CNNM2: variants seen among roughly 807,000 people sequenced by gnomAD.
CNNM2 encodes the protein cyclin and CBS domain divalent metal cation transport mediator 2, also known as metal transporter CNNM2.
A neutral mutation model predicts 66.9 loss-of-function variants in CNNM2; 12 were observed. That is an observed-to-expected ratio of 0.18 (90% CI 0.11 to 0.29). CNNM2 has a LOEUF of 0.29. CNNM2 is among the 10% of genes least tolerant of loss of function. The pLI is 1.00. For missense variants in CNNM2, 705 were observed against 1,167.7 expected (o/e 0.60, Z 5.77); for synonymous variants, 557 against 501.8 (o/e 1.11, Z -1.47).
At chr10:103,051,241 G>A (rs1348888886) in intron 2 of CNNM2, among the ~76,000 whole-genome samples, 1 of 151,822 alleles carries the variant, frequency 6.6e-6, no homozygotes, top group Non-Finnish European at 1.5e-5. Context: ...GACCATCCTG[G>A]CCAACATGGT....
chr10:103,017,962 T>TAAAA (rs2064487247), intron 1 of CNNM2, among the ~76,000 whole-genome samples: 2 of 36,384 alleles, frequency 5.5e-5, no homozygotes, highest in Non-Finnish European at 6.4e-5. Flanking sequence ...AGAATCTGTC[T>TAAAA]CAAAAAAAAA....
chr10:102,973,238 C>A (rs1440912934), intron 1 of CNNM2, among the ~76,000 whole-genome samples: 1 of 151,106 alleles, frequency 6.6e-6, no homozygotes, highest in East Asian at 1.9e-4. Flanking sequence ...CCAGATTAAT[C>A]TTCCCAGACC....
chr10:102,973,518 G>GTGTGT (rs1445165466), intron 1 of CNNM2, among the ~76,000 whole-genome samples: 1 of 140,164 alleles, frequency 7.1e-6, no homozygotes, highest in African/African-American at 2.6e-5. Context: ...GTGTGTGTGT[G>GTGTGT]TTTTTTTTTT....
rs936766994 is a variant in CNNM2 at position 103,087,921 on chromosome 10, C to T, written c.*10741C>T. The T allele has an allele frequency of 1.3e-5, 2 of 152,194 alleles. No homozygotes were observed. Among genetic ancestry groups the T allele is most frequent in the Non-Finnish European group, 2.9e-5 (2 of 68,032 alleles). The allele number at this position is 152,194 out of a possible 1,614,324, so 9.4% of individuals were successfully genotyped here. ...CTTGACTAAGTTATCAGGCTGTGTT[C>T]TCTGCTTATAAAATAATTTTTTAAA... On this transcript the variant is annotated 3_prime_UTR_variant, in exon 8 of 8. Transcript: ENST00000369878.
intron 1 of CNNM2, among the ~76,000 whole-genome samples, chr10:102,949,409 A>G (rs1846742802): frequency 6.6e-6 from 1 of 151,706 alleles, no homozygotes. Flanking sequence ...TCCCGACCTC[A>G]GGTAATCCGC....
intron 1 of CNNM2, among the ~76,000 whole-genome samples, chr10:102,994,010 C>T (rs773860536): frequency 1.3e-5 from 2 of 152,116 alleles, no homozygotes; most frequent in Non-Finnish European, 2.9e-5. Flanking sequence ...CATCTTGGTT[C>T]ACTGCAACCT....
chr10:103,061,904 G>C (rs1317698152), intron 4 of CNNM2, among the ~76,000 whole-genome samples: 1 of 152,184 alleles, frequency 6.6e-6, no homozygotes, highest in Non-Finnish European at 1.5e-5. Context: ...ATGTCAGACA[G>C]TTGACAAAGT....
At chr10:102,979,610 T>C (rs960787451) in intron 1 of CNNM2, among the ~76,000 whole-genome samples, 1 of 152,218 alleles carries the variant, frequency 6.6e-6, no homozygotes, top group African/African-American at 2.4e-5. Context: ...CCAGGGACTT[T>C]GTTTTTTTGT....
At chr10:103,014,706 A>G (rs2064408447) in intron 1 of CNNM2, among the ~76,000 whole-genome samples, 1 of 152,112 alleles carries the variant, frequency 6.6e-6, no homozygotes, top group Non-Finnish European at 1.5e-5. Context: ...GCGCTTTTAC[A>G]TTTGACAGAT....
At chr10:103,045,829 G>T (rs1045566921) in intron 1 of CNNM2, among the ~76,000 whole-genome samples, 2 of 152,032 alleles carry the variant, frequency 1.3e-5, no homozygotes, top group Non-Finnish European at 2.9e-5. Flanking sequence ...TTTTTTTATA[G>T]AAATGAGTTC....
intron 1 of CNNM2, among the ~76,000 whole-genome samples, chr10:103,003,768 A>G (rs973347744): frequency 1.5e-4 from 23 of 151,696 alleles, no homozygotes; most frequent in African/African-American, 3.4e-4. Flanking sequence ...GCGAGACTCT[A>G]TCTTTTTTTT....
At position 102,981,685 on chromosome 10, in the gene CNNM2, G is replaced by A. The variant is rs755290089; in HGVS notation, c.1621+61584G>A. Among the ~76,000 whole-genome samples, 5 of 151,926 alleles carry A rather than the reference G, an allele frequency of 3.3e-5. 1 individual carries two copies. Among genetic ancestry groups the A allele is most frequent in the Non-Finnish European group, 5.9e-5 (4 of 67,988 alleles). ...TGGGATTATAGGGATACACCACCACGCCTGACCAGGGATGGTAATTTTTTT... is the reference window on the plus strand; with the variant it reads ...TGGGATTATAGGGATACACCACCACACCTGACCAGGGATGGTAATTTTTTT... On this transcript the variant is annotated intron_variant, in intron 1 of 7. Coordinates refer to ENST00000369878, the MANE Select transcript of CNNM2 (RefSeq NM_017649.5).
At chr10:102,921,505 A>T (rs1845634381) in intron 1 of CNNM2, among the ~76,000 whole-genome samples, 2 of 152,206 alleles carry the variant, frequency 1.3e-5, no homozygotes, top group South Asian at 4.1e-4. Flanking sequence ...TGTGCTTTGA[A>T]GATTGGTAAA....
At chr10:102,947,983 G>T (rs2134187511) in intron 1 of CNNM2, among the ~76,000 whole-genome samples, 1 of 152,018 alleles carries the variant, frequency 6.6e-6, no homozygotes, top group East Asian at 1.9e-4. Flanking sequence ...AACCCGGGAG[G>T]TGGAGCTTGC....
In CNNM2 at chr10:102,919,880, T is replaced by C; in HGVS notation, c.1400T>C (p.Phe467Ser). 6.2e-7 allele frequency: 1 copy of C among 1,614,198 alleles called. No homozygotes were observed. The change falls in exon 1 of 8, where the codon TTC becomes TCC. Residue 467 changes from phenylalanine to serine, a missense_variant. By Grantham distance (155) the Phe-to-Ser change is radical (BLOSUM62 -2). This residue lies in a region of CNNM2 where 171 missense variants were observed against 304.8 expected (regional missense o/e 0.56). Transcript: ENST00000369878. ...FMITGEAILD[F>S]NTMSEIMESG... is the part of the protein sequence containing the mutation. ...ATCACCGGCGAAGCCATCCTGGACT[T>C]CAACACCATGTCTGAGATCATGGAG...
intron 1 of CNNM2, among the ~76,000 whole-genome samples, chr10:102,936,423 C>T (rs1846241647): frequency 1.3e-5 from 2 of 151,780 alleles, no homozygotes; most frequent in Admixed American, 6.6e-5. Context: ...AAAACCCTAC[C>T]TTTTAGTCAT....
chr10:103,047,147 T>A (rs1333675915), intron 1 of CNNM2, among the ~76,000 whole-genome samples: 1 of 152,028 alleles, frequency 6.6e-6, no homozygotes, highest in Non-Finnish European at 1.5e-5. Context: ...AAGGGAAAAA[T>A]GAGTAACTTT....
At chr10:103,037,931 T>G (rs953741347) in intron 1 of CNNM2, among the ~76,000 whole-genome samples, 4 of 152,040 alleles carry the variant, frequency 2.6e-5, no homozygotes, top group African/African-American at 4.8e-5. Context: ...CCTCCACCTC[T>G]TGGGTTCAAG....
At chr10:103,028,820 T>C (rs1047954443) in intron 1 of CNNM2, among the ~76,000 whole-genome samples, 12 of 123,036 alleles carry the variant, frequency 9.8e-5, no homozygotes, top group African/African-American at 3.0e-4. Context: ...TTTTCTTTTT[T>C]TTTTTTTCTT....
Sources: gnomAD v4.1 joint callset for allele counts (sites outside exome capture counted in the v4.1 genomes callset) on GRCh38, gnomAD v4.1.1 for gene constraint, gnomAD v4.1.1 regional missense constraint, MANE v1.5 for transcripts, NCBI Gene and HGNC (gene_info 2026-07-23, HGNC 2026-07-21) for gene names.